The following CDK19 variants were observed in gnomAD, a reference collection of about 807,000 sequenced individuals.
CDK19 encodes the protein cyclin-dependent kinase 19.
Under a neutral mutation model 68.3 loss-of-function variants are expected in CDK19, and 20 were observed. The observed-to-expected ratio is 0.29, with a 90% confidence interval of 0.21 to 0.43. The LOEUF (loss-of-function observed/expected upper bound fraction) is 0.43. Among genes scored for constraint, CDK19 ranks in the 20% least tolerant of loss-of-function variants. CDK19 has a pLI of 1.00. For synonymous variants in CDK19, 221 were observed against 222.8 expected, an observed-to-expected ratio of 0.99 and a Z score of 0.07; for missense variants, 339 against 623.5, an observed-to-expected ratio of 0.54 and a Z score of 4.86.
chr6:110,669,388 G>A (rs1362413233), intron 3 of CDK19, among the ~76,000 whole-genome samples: 1 of 152,128 alleles, frequency 6.6e-6, no homozygotes, highest in Non-Finnish European at 1.5e-5. Context: ...GAGGCAGGAG[G>A]ATCGCTTGAG....
intron 1 of CDK19, among the ~76,000 whole-genome samples, chr6:110,798,628 G>GAAAAAAAAAAAAA (rs59236293): frequency 1.8e-5 from 1 of 56,730 alleles, no homozygotes; most frequent in African/African-American, 5.7e-5. Context: ...TCTGTCTCCA[G>GAAAAAAAAAAAAA]AAAAAAAAAA....
At chr6:110,678,991 A>G (rs1408833009) in intron 2 of CDK19, among the ~76,000 whole-genome samples, 1 of 152,130 alleles carries the variant, frequency 6.6e-6, no homozygotes. Flanking sequence ...ATGGGCTATA[A>G]TACCAGCTTG....
At chr6:110,697,568 G>A (rs1168433833) in intron 2 of CDK19, among the ~76,000 whole-genome samples, 2 of 151,878 alleles carry the variant, frequency 1.3e-5, no homozygotes, top group Non-Finnish European at 2.9e-5. Flanking sequence ...TCAATATTGT[G>A]TAGATGACCA....
intron 1 of CDK19, among the ~76,000 whole-genome samples, chr6:110,784,677 T>C (rs530315476): frequency 6.6e-6 from 1 of 152,186 alleles, no homozygotes; most frequent in East Asian, 1.9e-4. Flanking sequence ...AACAAAAACT[T>C]CTACAAAAAT....
chr6:110,797,271 C>T (rs1782002605), intron 1 of CDK19, among the ~76,000 whole-genome samples: 1 of 151,132 alleles, frequency 6.6e-6, no homozygotes, highest in Admixed American at 6.6e-5. Flanking sequence ...ACCTGGGAGG[C>T]AAAGGTTGCA....
intron 2 of CDK19, among the ~76,000 whole-genome samples, chr6:110,701,306 G>A (rs918061395): frequency 6.6e-6 from 1 of 151,664 alleles, no homozygotes; most frequent in African/African-American, 2.4e-5. Context: ...ACTTTGGGAG[G>A]CCAAAGTGGG....
intron 1 of CDK19, among the ~76,000 whole-genome samples, chr6:110,773,257 A>T (rs1428123019): frequency 6.6e-6 from 1 of 151,732 alleles, no homozygotes; most frequent in Non-Finnish European, 1.5e-5. Context: ...AGGCAGGAGA[A>T]TCACTTGAAC....
chr6:110,814,703 C>T, intron 1 of CDK19: 1 of 583,228 alleles, frequency 1.7e-6, no homozygotes, highest in Non-Finnish European at 3.2e-6. Context: ...CCCACAAACT[C>T]CTCCTCCACC....
At chr6:110,622,780 T>C in intron 10 of CDK19, 35 bp downstream of exon 10, 1 of 1,350,458 alleles carries the variant, frequency 7.4e-7, no homozygotes, top group South Asian at 1.2e-5. Flanking sequence ...CTCCTCAGCC[T>C]GGAGCAAAGG....
rs188501152 is a variant in CDK19, at chr6:110,642,448, G to T, written c.457-3742C>A. Among the ~76,000 whole-genome samples, 345 of 152,032 alleles carry T rather than the reference G, an allele frequency of 2.3e-3. 5 individuals are homozygous for T. The highest frequency in any genetic ancestry group is 0.021 in the Admixed American group (328 of 15,290). ...TGATTTAGATGCTACAGAAGCAGCA[G>T]AAAACAAAAACAGGAAAAATCCTTG... On this transcript the variant is annotated intron_variant, in intron 4 of 12. Transcript: ENST00000368911.
chr6:110,665,759 T>C (rs1781882847), intron 4 of CDK19, among the ~76,000 whole-genome samples: 1 of 152,214 alleles, frequency 6.6e-6, no homozygotes, highest in Non-Finnish European at 1.5e-5. Flanking sequence ...TTTTTGTTTA[T>C]TTGTTTTGAG....
At chr6:110,699,632 C>T (rs973495542) in intron 2 of CDK19, among the ~76,000 whole-genome samples, 4 of 151,958 alleles carry the variant, frequency 2.6e-5, no homozygotes, top group Non-Finnish European at 5.9e-5. Context: ...GTACACTACT[C>T]GGGTATGAGG....
intron 1 of CDK19, among the ~76,000 whole-genome samples, chr6:110,790,273 C>G (rs545059547): frequency 6.6e-6 from 1 of 152,154 alleles, no homozygotes; most frequent in Admixed American, 6.6e-5. Context: ...TGGTGGCTCA[C>G]GCCTGTAATC....
At chr6:110,748,053 A>C (rs1778201546) in intron 1 of CDK19, among the ~76,000 whole-genome samples, 1 of 152,238 alleles carries the variant, frequency 6.6e-6, no homozygotes, top group South Asian at 2.1e-4. Flanking sequence ...TTGAAACAAA[A>C]TTATAAAAGC....
chr6:110,813,720 T>C (rs1233993794), intron 1 of CDK19: 3 of 152,162 alleles, frequency 2.0e-5, no homozygotes, highest in African/African-American at 7.2e-5. Flanking sequence ...TATAATAGAG[T>C]TGTTTTATGA....
At chr6:110,701,209 AAATT>A (rs926971521) in intron 2 of CDK19, among the ~76,000 whole-genome samples, 12 of 150,006 alleles carry the variant, frequency 8.0e-5, no homozygotes, top group Admixed American at 6.7e-4. Context: ...ATCTCAAAAA[AAATT>A]AATTAATTAA....
intron 2 of CDK19, among the ~76,000 whole-genome samples, chr6:110,700,391 G>A (rs1773887433): frequency 6.6e-6 from 1 of 152,104 alleles, no homozygotes; most frequent in Non-Finnish European, 1.5e-5. Context: ...AGTCCCTGGT[G>A]CCAAAAAGGT....
chr6:110,777,622 T>C (rs1780501111), intron 1 of CDK19, among the ~76,000 whole-genome samples: 1 of 152,164 alleles, frequency 6.6e-6, no homozygotes, highest in Admixed American at 6.6e-5. Context: ...TACCATATGA[T>C]CCAGCAGTTC....
intron 1 of CDK19, among the ~76,000 whole-genome samples, chr6:110,780,376 G>A (rs1321165349): frequency 1.5e-5 from 2 of 134,734 alleles, no homozygotes; most frequent in Non-Finnish European, 3.1e-5. Flanking sequence ...ATGACAGAGT[G>A]ACACTCTGTC....
Sources: gnomAD v4.1 joint callset for allele counts (sites outside exome capture counted in the v4.1 genomes callset) on GRCh38, gnomAD v4.1.1 for gene constraint, MANE v1.5 for transcripts, NCBI Gene and HGNC (gene_info 2026-07-23, HGNC 2026-07-21) for gene names.